The following NFIX variants were observed in gnomAD, a reference collection of about 807,000 sequenced individuals.
NFIX encodes nuclear factor I X.
A neutral mutation model predicts 53.3 loss-of-function variants in NFIX; 2 were observed. The observed-to-expected ratio is 0.04, with a 90% confidence interval of 0.02 to 0.12. The LOEUF is 0.12. NFIX is among the 10% of genes least tolerant of loss of function. The pLI, the probability that NFIX is intolerant of heterozygous loss-of-function variation, is 1.00. For synonymous variants in NFIX, 244 were observed against 289.0 expected (o/e 0.84, Z 1.58); for missense variants, 310 against 674.5 (o/e 0.46, Z 5.99).
At position 13,078,519 on chromosome 19, in the gene NFIX, G is replaced by A. The variant is rs1386890583; in HGVS notation, c.956-94G>A. On this transcript the variant is annotated intron_variant, in intron 6 of 10. Coordinates refer to ENST00000592199, the MANE Select transcript of NFIX (RefSeq NM_001365902.3). The surrounding 1 kb of genome is among the most constrained non-coding windows in gnomAD (Gnocchi z 4.7). ...GAGGAAGGGGCAGTGGGGAGGGGCT[G>A]AGGAGAGAAGGAGCGAGCTGCTGGC... 1.4e-6 allele frequency: 2 copies of A among 1,441,460 alleles called. No homozygotes were observed. Among genetic ancestry groups the A allele is most frequent in the Non-Finnish European group, 1.9e-6 (2 of 1,061,738 alleles). The allele number at this position is 1,441,460 out of a possible 1,614,324, so 89.3% of individuals were successfully genotyped here.
chr19:13,084,294 A>G (rs2017644790), intron 8 of NFIX, among the ~76,000 whole-genome samples: 1 of 152,132 alleles, frequency 6.6e-6, no homozygotes, highest in African/African-American at 2.4e-5. Flanking sequence ...AATACAAAAA[A>G]TTAGCTGGAC....
In NFIX at chr19:13,094,502, G is replaced by T; in HGVS notation, c.1495-133G>T. 1.3e-6 allele frequency: 1 copy of T among 791,316 alleles called. No homozygotes were observed. Among genetic ancestry groups the T allele is most frequent in the South Asian group, 1.6e-5 (1 of 62,326 alleles). 49.0% of individuals were successfully genotyped at this position (791,316 alleles called of 1,614,324 possible). A position where few individuals can be genotyped will look rare whatever the true frequency, so the allele number is the denominator to read the frequency against. The stretch of plus-strand genomic sequence containing the variant: ...CCTTTCTTCTCCATGGGAACAAGGT[G>T]GGTGGTGGCTGCCCGGCACCCTGGC... On this transcript the variant is annotated intron_variant, in intron 10 of 10. Coordinates refer to ENST00000592199, the MANE Select transcript of NFIX (RefSeq NM_001365902.3). This position sits in a 1 kb window ranked among gnomAD's most constrained non-coding sequence, Gnocchi z 4.3.
intron 1 of NFIX, among the ~76,000 whole-genome samples, chr19:13,023,808 C>T (rs2013105894): frequency 6.8e-6 from 1 of 146,660 alleles, no homozygotes; most frequent in Admixed American, 6.8e-5. Context: ...TTTCCCCCTT[C>T]TGTGCAATGG....
chr19:13,069,064 C>A (rs566231626), intron 2 of NFIX, among the ~76,000 whole-genome samples: 1 of 152,340 alleles, frequency 6.6e-6, no homozygotes, highest in Non-Finnish European at 1.5e-5. Flanking sequence ...CAGCTAAGAG[C>A]ACAGAAAGAA....
rs1275115470 is a variant in NFIX, at chr19:13,006,625, AC to A, written c.27+10765del. On this transcript the variant is annotated intron_variant, in intron 1 of 10. Coordinates refer to ENST00000592199, the MANE Select transcript of NFIX (RefSeq NM_001365902.3). This position sits in a 1 kb window ranked among gnomAD's most constrained non-coding sequence, Gnocchi z 5.6. ...CCCGGGGCGGGCTGGGTTTATTTTT[AC>A]CCCAGCCTGTCACCCTGGCAGTACC... Among the ~76,000 whole-genome samples, 1 of 151,506 alleles carries A rather than the reference AC, an allele frequency of 6.6e-6. No homozygotes were observed. The highest frequency in any genetic ancestry group is 1.5e-5 in the Non-Finnish European group (1 of 67,860).
At position 13,072,895 on chromosome 19, in the gene NFIX, T is replaced by A. The variant is rs188719016; in HGVS notation, c.560-152T>A. ...CTGCTTTGGGTCTCCCGGAGCCTCC[T>A]GGGGCTGGTTTGGGGAGAGGGTGGG... is the stretch of plus-strand genomic sequence containing the variant. On this transcript the variant is annotated intron_variant, in intron 2 of 10. Coordinates refer to ENST00000592199, the MANE Select transcript of NFIX (RefSeq NM_001365902.3). The surrounding 1 kb of genome is among the most constrained non-coding windows in gnomAD (Gnocchi z 4.0). 1.4e-3 allele frequency among the ~76,000 whole-genome samples: 213 copies of A among 152,244 alleles called. 1 individual carries two copies. Among genetic ancestry groups the A allele is most frequent in the African/African-American group, 4.6e-3 (193 of 41,552 alleles).
chr19:13,051,920 C>T lies in NFIX; in HGVS notation c.560-21127C>T, dbSNP rs1375459467. 7.9e-5 allele frequency among the ~76,000 whole-genome samples: 12 copies of T among 152,224 alleles called. No individual in the cohort carries two copies. The highest frequency in any genetic ancestry group is 7.8e-4 in the Admixed American group (12 of 15,290). ...GGCACTTCTTAGGCGCCGCCTCCTC[C>T]TCACAGCGCCCGCCTTCTCCGCTCC... On this transcript the variant is annotated intron_variant, in intron 2 of 10. Coordinates refer to ENST00000592199, the MANE Select transcript of NFIX (RefSeq NM_001365902.3). This position sits in a 1 kb window ranked among gnomAD's most constrained non-coding sequence, Gnocchi z 5.1.
At position 13,001,832 on chromosome 19, in the gene NFIX, G is replaced by C. The variant is rs1057055518; in HGVS notation, c.27+5968G>C. On this transcript the variant is annotated intron_variant, in intron 1 of 10. Coordinates refer to ENST00000592199, the MANE Select transcript of NFIX (RefSeq NM_001365902.3). The surrounding 1 kb of genome is among the most constrained non-coding windows in gnomAD (Gnocchi z 6.5). ...GGCGGCCGGGCAAGCGGCTGGGAGC[G>C]GGCTGGCTGCTCAGTCCCTTCCCAT... 6.6e-6 allele frequency among the ~76,000 whole-genome samples: 1 copy of C among 152,220 alleles called. No homozygotes were observed. Among genetic ancestry groups the C allele is most frequent in the Non-Finnish European group, 1.5e-5 (1 of 68,036 alleles).
At chr19:13,035,900 C>G (rs1174226028) in intron 2 of NFIX, among the ~76,000 whole-genome samples, 1 of 152,234 alleles carries the variant, frequency 6.6e-6, no homozygotes, top group African/African-American at 2.4e-5. Context: ...CCGCATCATC[C>G]CAAGTGCAGA....
At chr19:13,077,227 TC>T (rs2017162018) in intron 6 of NFIX, among the ~76,000 whole-genome samples, 1 of 152,128 alleles carries the variant, frequency 6.6e-6, no homozygotes, top group African/African-American at 2.4e-5. Context: ...GCCCCCCTCT[TC>T]CTGGCTCCTG....
At chr19:13,024,264 G>A (rs964113921) in intron 1 of NFIX, among the ~76,000 whole-genome samples, 2 of 152,172 alleles carry the variant, frequency 1.3e-5, no homozygotes. Flanking sequence ...GCCGAGACAA[G>A]CACCTTATTT....
Position 13,014,507 on chromosome 19 carries a change from C to T in NFIX, c.28-10514C>T, listed in dbSNP as rs1346831661. 1 of 152,274 alleles carries T rather than the reference C, an allele frequency of 6.6e-6. No individual in the cohort carries two copies. Among genetic ancestry groups the T allele is most frequent in the Non-Finnish European group, 1.5e-5 (1 of 68,042 alleles). 9.4% of individuals were successfully genotyped at this position (152,274 alleles called of 1,614,324 possible). ...AGCTTCGCTGCCTACTCTGCATCCT[C>T]TCCCCTAAAAAGAATCAAGTATTTC... On this transcript the variant is annotated intron_variant, in intron 1 of 10. Coordinates refer to ENST00000592199, the MANE Select transcript of NFIX (RefSeq NM_001365902.3). This position sits in a 1 kb window ranked among gnomAD's most constrained non-coding sequence, Gnocchi z 4.4.
chr19:13,063,849 A>G (rs1568306628), intron 2 of NFIX, among the ~76,000 whole-genome samples: 1 of 152,012 alleles, frequency 6.6e-6, no homozygotes, highest in Non-Finnish European at 1.5e-5. Flanking sequence ...CTTTATGAAT[A>G]ATTAGACCAA....
chr19:13,022,529 C>G lies in NFIX; in HGVS notation c.28-2492C>G, dbSNP rs2012994297. Among the ~76,000 whole-genome samples, 1 of 151,866 alleles carries G rather than the reference C, an allele frequency of 6.6e-6. No homozygotes were observed. The highest frequency in any genetic ancestry group is 1.5e-5 in the Non-Finnish European group (1 of 67,986). ...TTCTTCTTATTTCTATTCATAGCAC[C>G]GCAGGCCCGTGTGTATGTGGCCGGG... On this transcript the variant is annotated intron_variant, in intron 1 of 10. Coordinates refer to ENST00000592199, the MANE Select transcript of NFIX (RefSeq NM_001365902.3). The surrounding 1 kb of genome is among the most constrained non-coding windows in gnomAD (Gnocchi z 4.5).
In NFIX at chr19:12,995,867, A is replaced by G; in HGVS notation, c.27+3A>G. ...ACTCCCCGTACTGCCTCACCCAGGT[A>G]CCGGCCGCCGCCCCCGCGCGACCGG... On this transcript the variant is annotated splice_donor_region_variant and intron_variant, in intron 1 of 10. Coordinates refer to ENST00000592199, the MANE Select transcript of NFIX (RefSeq NM_001365902.3). 1.0e-6 allele frequency: 1 copy of G among 975,126 alleles called. No individual in the cohort carries two copies. The highest frequency in any genetic ancestry group is 1.2e-6 in the Non-Finnish European group (1 of 827,016). 60.4% of individuals were successfully genotyped at this position (975,126 alleles called of 1,614,324 possible).
At chr19:13,030,160 G>A (rs1348989536) in intron 2 of NFIX, among the ~76,000 whole-genome samples, 1 of 152,240 alleles carries the variant, frequency 6.6e-6, no homozygotes, top group Non-Finnish European at 1.5e-5. Flanking sequence ...GGCTGACAAA[G>A]ATCGCAGGGC....
intron 2 of NFIX, among the ~76,000 whole-genome samples, chr19:13,048,897 AC>A (rs1184913940): frequency 6.6e-6 from 1 of 152,060 alleles, no homozygotes; most frequent in Non-Finnish European, 1.5e-5. Context: ...GCATGGTGAA[AC>A]CCTGTCTTTA....
chr19:13,006,893 G>C lies in NFIX; in HGVS notation c.27+11029G>C, dbSNP rs1193106767. Among the ~76,000 whole-genome samples, 1 of 152,182 alleles carries C rather than the reference G, an allele frequency of 6.6e-6. No homozygotes were observed. Among genetic ancestry groups the C allele is most frequent in the Non-Finnish European group, 1.5e-5 (1 of 68,020 alleles). ...TGCCTGCCACCCCCACCCCATGCCC[G>C]GGCAGAGCCGAGCGGCTGCTGCTGC... is the stretch of plus-strand genomic sequence containing the variant. On this transcript the variant is annotated intron_variant, in intron 1 of 10. Coordinates refer to ENST00000592199, the MANE Select transcript of NFIX (RefSeq NM_001365902.3). This position sits in a 1 kb window ranked among gnomAD's most constrained non-coding sequence, Gnocchi z 5.6.
chr19:13,020,720 C>A (rs1350403936), intron 1 of NFIX, among the ~76,000 whole-genome samples: 1 of 152,146 alleles, frequency 6.6e-6, no homozygotes, highest in African/African-American at 2.4e-5. Flanking sequence ...TCTATTGAGA[C>A]ACTCTTCTGC....
Sources: allele counts gnomAD v4.1 joint callset (sites outside exome capture counted in the v4.1 genomes callset), GRCh38; gene constraint gnomAD v4.1.1; non-coding constraint Gnocchi (gnomAD v3.1); transcripts MANE v1.5; gene names NCBI Gene and HGNC (gene_info 2026-07-23, HGNC 2026-07-21).